The following DCDC1 variants were observed in gnomAD, a reference collection of about 807,000 sequenced individuals.
The protein encoded by DCDC1 is doublecortin domain-containing protein 1.
In DCDC1, 200 loss-of-function variants were observed where a neutral mutation model predicts 178.3. The observed-to-expected ratio is 1.12, with a 90% CI of 1.00 to 1.26. The LOEUF (loss-of-function observed/expected upper bound fraction) is 1.26, where lower values mean the gene tolerates loss of function less well. DCDC1 is among the 50% of genes most tolerant of loss of function. The pLI is 0.00. For missense variants in DCDC1, 1,983 were observed against 1,749.2 expected, an observed-to-expected ratio of 1.13 and a Z score of -2.38; for synonymous variants, 690 against 604.8, an observed-to-expected ratio of 1.14 and a Z score of -2.07.
intron 20 of DCDC1, among the ~76,000 whole-genome samples, chr11:31,061,451 T>TTGTG (rs147625273): frequency 3.3e-5 from 5 of 150,606 alleles, no homozygotes; most frequent in African/African-American, 4.9e-5. Context: ...TCATTTTAGA[T>TTGTG]TGTGTGTGTG....
chr11:31,111,423 A>C (rs1565298423), intron 11 of DCDC1, among the ~76,000 whole-genome samples: 1 of 152,170 alleles, frequency 6.6e-6, no homozygotes, highest in African/African-American at 2.4e-5. Flanking sequence ...AAAAAAGAAA[A>C]ATAAAAAGAG....
intron 5 of DCDC1, 122 bp downstream of exon 5, chr11:31,306,109 TA>T: frequency 1.0e-6 from 1 of 1,000,602 alleles, no homozygotes; most frequent in Non-Finnish European, 1.3e-6. Flanking sequence ...TACGTATATA[TA>T]AGCAATCGGT....
chr11:31,354,243 A>C (rs1446262070), intron 1 of DCDC1, among the ~76,000 whole-genome samples: 2 of 152,170 alleles, frequency 1.3e-5, no homozygotes, highest in Non-Finnish European at 2.9e-5. Flanking sequence ...CCGAGATCGC[A>C]CCACTGCACT....
chr11:31,273,949 G>A (rs1945782362), intron 7 of DCDC1, among the ~76,000 whole-genome samples: 1 of 152,022 alleles, frequency 6.6e-6, no homozygotes, highest in South Asian at 2.1e-4. Context: ...CAGATCGCAT[G>A]AGACTAACTA....
At chr11:30,901,708 A>T (rs1449273283) in intron 32 of DCDC1, among the ~76,000 whole-genome samples, 1 of 152,184 alleles carries the variant, frequency 6.6e-6, no homozygotes. Context: ...GCTTTAAATA[A>T]GAATTTAAAG....
intron 8 of DCDC1, 39 bp downstream of exon 8, chr11:31,265,468 A>G: frequency 8.5e-7 from 1 of 1,176,486 alleles, no homozygotes; most frequent in East Asian, 2.9e-5. Context: ...ATGTCTTTCA[A>G]AATATTATCA....
chr11:31,115,374 C>T (rs534680570), intron 11 of DCDC1, among the ~76,000 whole-genome samples: 2 of 152,244 alleles, frequency 1.3e-5, no homozygotes, highest in African/African-American at 4.8e-5. Context: ...CCCAAACTCT[C>T]CATAACCACT....
chr11:31,144,099 A>G (rs559760564), intron 9 of DCDC1, among the ~76,000 whole-genome samples: 1 of 152,282 alleles, frequency 6.6e-6, no homozygotes, highest in Admixed American at 6.5e-5. Flanking sequence ...TCCAAAACTT[A>G]CTTAGCACTT....
chr11:31,207,608 C>T (rs1309631030), intron 9 of DCDC1, among the ~76,000 whole-genome samples: 1 of 152,174 alleles, frequency 6.6e-6, no homozygotes, highest in Non-Finnish European at 1.5e-5. Context: ...GGATCTTTTG[C>T]AATATCAGTT....
At chr11:31,028,742 T>TG (rs1190633644) in intron 20 of DCDC1, among the ~76,000 whole-genome samples, 1 of 151,978 alleles carries the variant, frequency 6.6e-6, no homozygotes, top group East Asian at 1.9e-4. Context: ...ATTTTGAACA[T>TG]GGGCTTTCTA....
intron 9 of DCDC1, among the ~76,000 whole-genome samples, chr11:31,146,220 A>G (rs1413969690): frequency 1.3e-5 from 2 of 151,782 alleles, no homozygotes; most frequent in Admixed American, 6.6e-5. Context: ...TACCTGCTTG[A>G]ACCACCATGC....
chr11:31,030,389 T>A (rs550173631), intron 20 of DCDC1, among the ~76,000 whole-genome samples: 100 of 151,924 alleles, frequency 6.6e-4, no homozygotes, highest in African/African-American at 2.4e-3. Flanking sequence ...ATGCATAAAG[T>A]CTGTGTCTAT....
chr11:31,328,062 A>C, intron 3 of DCDC1, 55 bp downstream of exon 3: 2 of 1,491,674 alleles, frequency 1.3e-6, no homozygotes, highest in South Asian at 1.4e-5. Context: ...TACTTTCTAT[A>C]AACACTTTTA....
At chr11:31,336,325 G>A (rs903749285) in intron 1 of DCDC1, among the ~76,000 whole-genome samples, 4 of 152,176 alleles carry the variant, frequency 2.6e-5, no homozygotes, top group African/African-American at 4.8e-5. Flanking sequence ...CTTAGGGCAG[G>A]CATCCAAAAG....
At chr11:31,090,395 A>C (rs2135657886) in intron 17 of DCDC1, among the ~76,000 whole-genome samples, 1 of 152,186 alleles carries the variant, frequency 6.6e-6, no homozygotes, top group East Asian at 1.9e-4. Flanking sequence ...TTCCTGCCAA[A>C]CCACTTAGTA....
chr11:31,048,864 AAAG>A (rs1325626365), intron 20 of DCDC1, among the ~76,000 whole-genome samples: 1 of 152,214 alleles, frequency 6.6e-6, no homozygotes, highest in Non-Finnish European at 1.5e-5. Context: ...CTCAAAAAAA[AAAG>A]GACTGTCAAT....
chr11:31,157,039 C>T (rs765521401), intron 9 of DCDC1, among the ~76,000 whole-genome samples: 33 of 151,982 alleles, frequency 2.2e-4, no homozygotes, highest in Non-Finnish European at 3.2e-4. Context: ...AGTTTACCCA[C>T]TTAGATTTTT....
chr11:30,933,358 TA>T (rs1947063657), intron 21 of DCDC1, among the ~76,000 whole-genome samples: 1 of 152,176 alleles, frequency 6.6e-6, no homozygotes, highest in African/African-American at 2.4e-5. Context: ...ATTTTGTTAA[TA>T]TTTTTTCTTG....
chr11:31,358,579 T>C (rs1453189834), intron 1 of DCDC1, among the ~76,000 whole-genome samples: 1 of 151,764 alleles, frequency 6.6e-6, no homozygotes, highest in African/African-American at 2.4e-5. Context: ...AAAGCCAAAA[T>C]TGACAAATGG....
Sources: gnomAD v4.1 joint callset for allele counts (sites outside exome capture counted in the v4.1 genomes callset) on GRCh38, gnomAD v4.1.1 for gene constraint, MANE v1.5 for transcripts, NCBI Gene and HGNC (gene_info 2026-07-23, HGNC 2026-07-21) for gene names.